Variants in RELN observed in about 807,000 individuals in gnomAD.
RELN encodes reelin.
In RELN, 108 loss-of-function variants were observed where a neutral mutation model predicts 427.6. The observed-to-expected ratio is 0.25, with a 90% CI of 0.22 to 0.30. The LOEUF is 0.30. Ranked by LOEUF, RELN falls within the 10% of genes least tolerant of loss-of-function variation. The probability of loss-of-function intolerance (pLI) is 1.00; values close to 1 mark genes in which losing one functional copy is unlikely to be tolerated. For missense variants in RELN, 3,715 were observed against 4,302.8 expected (o/e 0.86, Z 3.82); for synonymous variants, 1,524 against 1,513.4 (o/e 1.01, Z -0.16).
In RELN at chr7:103,802,600, T is replaced by C. The variant is rs551279427; in HGVS notation, c.474-25973A>G. Among the ~76,000 whole-genome samples the C allele has an allele frequency of 2.0e-5, 3 of 152,272 alleles. No homozygotes were observed. The East Asian group carries it at 5.8e-4, about 29-fold the overall frequency. ...CCCAAATGTGAAATTTTGAGAAGCA[T>C]CTTGTTTAGTAGCAAAAGATAATAT... On this transcript the variant is annotated intron_variant, in intron 3 of 64. Coordinates refer to ENST00000428762, the MANE Select transcript of RELN (RefSeq NM_005045.4).
intron 8 of RELN, among the ~76,000 whole-genome samples, chr7:103,721,258 C>G (rs984844597): frequency 2.6e-5 from 4 of 151,678 alleles, no homozygotes; most frequent in African/African-American, 9.7e-5. Flanking sequence ...ATCTCTCTCT[C>G]TCTCTCTCTC....
chr7:103,866,698 A>T lies in RELN; in HGVS notation c.338-33026T>A, dbSNP rs548192469. Among the ~76,000 whole-genome samples, 6 of 152,234 alleles carry T rather than the reference A, an allele frequency of 3.9e-5. No individual in the cohort carries two copies. The East Asian group carries it at 1.2e-3, about 29-fold the overall frequency. On this transcript the variant is annotated intron_variant, in intron 2 of 64. Coordinates refer to ENST00000428762, the MANE Select transcript of RELN (RefSeq NM_005045.4). Reference sequence around the variant, plus strand: ...ATCCCAAGATGTCTTTATTTTACAAAATAATGCACTAATTACTGTACCATT... The same window carrying T: ...ATCCCAAGATGTCTTTATTTTACAATATAATGCACTAATTACTGTACCATT...
At chr7:103,911,672 C>T (rs1201485878) in intron 2 of RELN, among the ~76,000 whole-genome samples, 1 of 147,398 alleles carries the variant, frequency 6.8e-6, no homozygotes, top group Non-Finnish European at 1.5e-5. Flanking sequence ...TACTATGCAG[C>T]CATAAAAAAT....
chr7:103,828,813 C>T (rs1343265203), intron 3 of RELN, among the ~76,000 whole-genome samples: 2 of 151,800 alleles, frequency 1.3e-5, no homozygotes, highest in Non-Finnish European at 2.9e-5. Flanking sequence ...AGATAGATTT[C>T]AAAAGTAGAT....
Position 103,833,549 on chromosome 7 carries a change from C to T in RELN, c.461G>A (p.Cys154Tyr). Reference sequence around the variant, plus strand: ...TTTGGGTACTTACATGAAATTCACACAGCCTGTGCCCGCAGGTGGAGCAAT... The same window carrying T: ...TTTGGGTACTTACATGAAATTCACATAGCCTGTGCCCGCAGGTGGAGCAAT... ...IWIAPPAGTGCVNFMATATHR... is the reference protein window; with the variant it reads ...IWIAPPAGTGYVNFMATATHR... Residue 154 changes from cysteine to tyrosine, a missense_variant, in exon 3 of 65, where the codon TGT (cysteine) becomes TAT (tyrosine). By Grantham distance (194) the Cys-to-Tyr change is radical. Around this residue, in one of 4 missense-constraint regions of RELN, gnomAD observed 2,208 missense variants for 2,361.7 expected, o/e 0.93. Transcript: ENST00000428762. 1 of 1,614,054 alleles carries T rather than the reference C, an allele frequency of 6.2e-7. No individual in the cohort carries two copies. Among genetic ancestry groups the T allele is most frequent in the Non-Finnish European group, 8.5e-7 (1 of 1,179,938 alleles).
chr7:103,579,236 A>G (rs1176465419), intron 28 of RELN, among the ~76,000 whole-genome samples: 1 of 152,206 alleles, frequency 6.6e-6, no homozygotes, highest in Non-Finnish European at 1.5e-5. Flanking sequence ...ACTTGGTAGG[A>G]AGGTATAGAA....
At chr7:103,623,384 A>G (rs1379249433) in intron 20 of RELN, among the ~76,000 whole-genome samples, 1 of 152,246 alleles carries the variant, frequency 6.6e-6, no homozygotes, top group Non-Finnish European at 1.5e-5. Context: ...AAATTTCTGT[A>G]TAAGCTACAG....
At chr7:103,984,916 T>C (rs1257875203) in intron 1 of RELN, among the ~76,000 whole-genome samples, 5 of 152,186 alleles carry the variant, frequency 3.3e-5, no homozygotes, top group African/African-American at 1.2e-4. Context: ...TTCCAAAAAT[T>C]ACGTCTGACA....
chr7:103,850,084 T>G (rs921532762), intron 2 of RELN, among the ~76,000 whole-genome samples: 1 of 152,234 alleles, frequency 6.6e-6, no homozygotes, highest in Non-Finnish European at 1.5e-5. Context: ...GAGGGTTTTA[T>G]CTTCCCAATG....
intron 27 of RELN, 114 bp from the exon 28 acceptor site, chr7:103,589,942 A>G (rs1406199226): frequency 1.4e-6 from 1 of 721,844 alleles, no homozygotes; most frequent in Non-Finnish European, 2.5e-6. Flanking sequence ...TGAATTTACA[A>G]TGATAGGAAT....
intron 2 of RELN, among the ~76,000 whole-genome samples, chr7:103,894,614 A>T (rs1451339051): frequency 6.6e-6 from 1 of 152,146 alleles, no homozygotes; most frequent in Admixed American, 6.6e-5. Context: ...GAAAATGGGA[A>T]GTCAAGTTTT....
chr7:103,745,947 T>C (rs1361921478), intron 6 of RELN, among the ~76,000 whole-genome samples: 1 of 151,974 alleles, frequency 6.6e-6, no homozygotes, highest in African/African-American at 2.4e-5. Context: ...AAAAAAGAGC[T>C]CACATTGCCA....
chr7:103,495,610 T>A (rs1156630866), intron 57 of RELN, 113 bp downstream of exon 57: 24 of 1,010,860 alleles, frequency 2.4e-5, no homozygotes, highest in Non-Finnish European at 3.2e-5. Flanking sequence ...TAAGATAAAG[T>A]CTTTTTTAAT....
chr7:103,680,682 C>A (rs1833633003), intron 11 of RELN, among the ~76,000 whole-genome samples: 1 of 151,698 alleles, frequency 6.6e-6, no homozygotes, highest in African/African-American at 2.4e-5. Context: ...CCAGAAACCA[C>A]TGTTTCTTTT....
At chr7:103,743,797 C>G (rs1432838153) in intron 6 of RELN, among the ~76,000 whole-genome samples, 2 of 152,142 alleles carry the variant, frequency 1.3e-5, no homozygotes, top group Non-Finnish European at 2.9e-5. Context: ...GACTTAGACT[C>G]CCACACAATA....
intron 64 of RELN, among the ~76,000 whole-genome samples, chr7:103,475,143 CT>C (rs1456044220): frequency 8.5e-5 from 13 of 152,182 alleles, no homozygotes. Context: ...CATTGGCCAG[CT>C]GTCAACATCA....
intron 16 of RELN, among the ~76,000 whole-genome samples, chr7:103,646,960 T>C (rs905342860): frequency 6.6e-6 from 1 of 151,210 alleles, no homozygotes; most frequent in African/African-American, 2.4e-5. Flanking sequence ...GCTCAACCTA[T>C]GCAAATCATC....
chr7:103,624,048 T>C (rs949965468), intron 20 of RELN, among the ~76,000 whole-genome samples: 6 of 152,186 alleles, frequency 3.9e-5, no homozygotes, highest in Non-Finnish European at 8.8e-5. Flanking sequence ...ACAGTACTAT[T>C]TTCTAGCTCT....
rs781583835 is a variant in RELN at position 103,665,362 on chromosome 7, G to GTATA, written c.1290-3839_1290-3836dup. 1.4e-3 allele frequency among the ~76,000 whole-genome samples: 123 copies of GTATA among 90,990 alleles called. 2 individuals are homozygous for GTATA. Among genetic ancestry groups the GTATA allele is most frequent in the African/African-American group, 4.2e-3 (103 of 24,712 alleles). The allele number at this position is 90,990 out of a possible 152,430, so 59.7% of individuals were successfully genotyped here. On this transcript the variant is annotated intron_variant, in intron 11 of 64. Transcript: ENST00000428762. ...GGTGTGTGTGTGTGTGTGTGTGTGTGTATATATATATATATATATAAAATC... is the reference window on the plus strand; with the variant it reads ...GGTGTGTGTGTGTGTGTGTGTGTGTGTATATATATATATATATATATATAAAATC...
Sources: allele counts gnomAD v4.1 joint callset (sites outside exome capture counted in the v4.1 genomes callset), GRCh38; gene constraint gnomAD v4.1.1; regional missense constraint gnomAD v4.1.1; transcripts MANE v1.5; gene names NCBI Gene and HGNC (gene_info 2026-07-23, HGNC 2026-07-21).